Variants in RBM46 observed in about 807,000 individuals in gnomAD.
RBM46 encodes RNA binding motif protein 46, also known as probable RNA-binding protein 46.
RBM46 carries 12 observed loss-of-function variants against 43.3 expected under a neutral mutation model. That is an observed-to-expected ratio of 0.28 (90% CI 0.18 to 0.45). The LOEUF is 0.45. Among genes scored for constraint, RBM46 ranks in the 20% least tolerant of loss-of-function variants. The pLI, the probability that RBM46 is intolerant of heterozygous loss-of-function variation, is 1.00. For synonymous variants in RBM46, 205 were observed against 207.6 expected (o/e 0.99, Z 0.11); for missense variants, 412 against 639.1 (o/e 0.64, Z 3.83).
intron 2 of RBM46, 68 bp from the exon 3 acceptor site, chr4:154,797,743 T>C: frequency 9.2e-7 from 1 of 1,089,580 alleles, no homozygotes; most frequent in Non-Finnish European, 1.3e-6. Context: ...GTTGAATGAA[T>C]ATATGATTGA....
At chr4:154,827,310 C>G in intron 4 of RBM46, 1 of 945,388 alleles carries the variant, frequency 1.1e-6, no homozygotes, top group Non-Finnish European at 1.3e-6. Context: ...TTTTATCATA[C>G]CAGTAGGACT....
chr4:154,788,304 GT>G (rs1266832306), intron 1 of RBM46, among the ~76,000 whole-genome samples: 3 of 152,120 alleles, frequency 2.0e-5, no homozygotes, highest in African/African-American at 7.2e-5. Flanking sequence ...TTCTTCTAGG[GT>G]TTTTATGGTT....
chr4:154,823,637 T>G (rs1377266673), intron 4 of RBM46, among the ~76,000 whole-genome samples: 1 of 151,896 alleles, frequency 6.6e-6, no homozygotes, highest in Non-Finnish European at 1.5e-5. Context: ...TAAGACGAAT[T>G]AGAAACAAAA....
chr4:154,819,433 A>G (rs73855237), intron 4 of RBM46, among the ~76,000 whole-genome samples: 6,728 of 152,238 alleles, frequency 0.044, 475 homozygotes, highest in African/African-American at 0.15. Flanking sequence ...TCCAGAGGAA[A>G]TGCACCTCCC....
intron 4 of RBM46, chr4:154,827,016 AT>A: frequency 8.1e-7 from 1 of 1,241,826 alleles, no homozygotes; most frequent in Non-Finnish European, 1.0e-6. Context: ...CCCTTGGCTT[AT>A]TTTACACTAA....
intron 4 of RBM46, among the ~76,000 whole-genome samples, chr4:154,817,635 T>A (rs156575): frequency 6.6e-6 from 1 of 151,898 alleles, no homozygotes; most frequent in African/African-American, 2.4e-5. Context: ...CCTGGCCTTG[T>A]GTTCCATACA....
At chr4:154,811,659 GTGTGTGTGTC>G (rs888984778) in intron 4 of RBM46, among the ~76,000 whole-genome samples, 29 of 135,962 alleles carry the variant, frequency 2.1e-4, no homozygotes, top group East Asian at 2.1e-3. Context: ...ATATGTGTGT[GTGTGTGTGTC>G]TGTGTGTGTG....
chr4:154,809,687 G>A (rs1735085637), intron 4 of RBM46, among the ~76,000 whole-genome samples: 1 of 152,036 alleles, frequency 6.6e-6, no homozygotes, highest in African/African-American at 2.4e-5. Flanking sequence ...AGATGACATT[G>A]TTTCATACTG....
rs997374555 is a variant in RBM46 at position 154,799,104 on chromosome 4, T to C, written c.942T>C (p.Thr314=). 6.2e-7 allele frequency: 1 copy of C among 1,613,908 alleles called. No individual in the cohort carries two copies. The highest frequency in any genetic ancestry group is 8.5e-7 in the Non-Finnish European group (1 of 1,179,984). ...CTAAACCAGTAAATAAAGAAAACAC[T>C]TGGAGACAGCATCTTAATGGTCAGA... ...TLAKPVNKEN[T]WRQHLNGQIS... is the part of the protein sequence containing the mutation. Residue 314 remains threonine (T), a synonymous_variant, in exon 4 of 5, where the codon ACT becomes ACC. Transcript: ENST00000281722.
chr4:154,828,336 C>T lies in RBM46; in HGVS notation c.*269C>T, dbSNP rs1206907249. 2.7e-5 allele frequency: 9 copies of T among 336,704 alleles called. No homozygotes were observed. The highest frequency in any genetic ancestry group is 1.4e-4 in the South Asian group (3 of 20,944). 20.9% of individuals were successfully genotyped at this position (336,704 alleles called of 1,614,324 possible). On this transcript the variant is annotated 3_prime_UTR_variant, in exon 5 of 5. Coordinates refer to ENST00000281722, the MANE Select transcript of RBM46 (RefSeq NM_144979.5). ...TTTAAACTTCTAGGATTTTCTTCTA[C>T]TTTCTGAGTGGGCAATAGAACCTAG...
intron 4 of RBM46, among the ~76,000 whole-genome samples, chr4:154,811,928 G>C (rs1374142935): frequency 6.6e-6 from 1 of 151,810 alleles, no homozygotes; most frequent in Non-Finnish European, 1.5e-5. Context: ...TGATCTGCCT[G>C]CCTCTTCCTC....
Position 154,781,351 on chromosome 4 carries a change from C to G in RBM46, c.-97C>G, listed in dbSNP as rs940826002. 3 of 152,368 alleles carry G rather than the reference C, an allele frequency of 2.0e-5. No individual in the cohort carries two copies. Among genetic ancestry groups the G allele is most frequent in the African/African-American group, 7.2e-5 (3 of 41,474 alleles). The allele number at this position is 152,368 out of a possible 1,614,324, so 9.4% of individuals were successfully genotyped here. On this transcript the variant is annotated 5_prime_UTR_variant, in exon 1 of 5. Transcript: ENST00000281722. Reference sequence around the variant, plus strand: ...CCCCCTGCGACGACCCCCCCTCGCTCTGACCGACTGGTCCCCTAAACGGTG... The same window carrying G: ...CCCCCTGCGACGACCCCCCCTCGCTGTGACCGACTGGTCCCCTAAACGGTG...
At chr4:154,794,602 A>G (rs1734259713) in intron 1 of RBM46, among the ~76,000 whole-genome samples, 1 of 152,182 alleles carries the variant, frequency 6.6e-6, no homozygotes, top group African/African-American at 2.4e-5. Context: ...AATAAAAGCT[A>G]AAGTTTATAA....
chr4:154,796,642 AGCCACAACT>A (rs1390929018), intron 1 of RBM46, 91 bp from the exon 2 acceptor site: 11 of 778,496 alleles, frequency 1.4e-5, no homozygotes, highest in Non-Finnish European at 2.2e-5. Context: ...CAAACATGCC[AGCCACAACT>A]GTCTTTGTTT....
At chr4:154,816,114 T>G (rs1028263950) in intron 4 of RBM46, among the ~76,000 whole-genome samples, 24 of 152,142 alleles carry the variant, frequency 1.6e-4, no homozygotes, top group African/African-American at 5.8e-4. Context: ...ATCTGTTTGT[T>G]TTTGCACCAA....
chr4:154,826,163 G>T (rs943015148), intron 4 of RBM46, among the ~76,000 whole-genome samples: 1 of 133,386 alleles, frequency 7.5e-6, no homozygotes, highest in East Asian at 2.1e-4. Flanking sequence ...AAAAAAAAAA[G>T]AAAAAAAAAA....
chr4:154,799,669 T>C, intron 4 of RBM46, 105 bp downstream of exon 4: 1 of 717,992 alleles, frequency 1.4e-6, no homozygotes. Context: ...GGTAAGTATG[T>C]AACATAAATT....
At chr4:154,814,805 T>TTA (rs1375298320) in intron 4 of RBM46, among the ~76,000 whole-genome samples, 2 of 151,988 alleles carry the variant, frequency 1.3e-5, no homozygotes, top group South Asian at 2.1e-4. Context: ...AACTTCTCCT[T>TTA]TATATATATC....
At chr4:154,804,651 T>C (rs1734816529) in intron 4 of RBM46, among the ~76,000 whole-genome samples, 1 of 152,186 alleles carries the variant, frequency 6.6e-6, no homozygotes. Flanking sequence ...AGGGCATCTC[T>C]TCTGTGTTTG....
Sources: allele counts gnomAD v4.1 joint callset (sites outside exome capture counted in the v4.1 genomes callset), GRCh38; gene constraint gnomAD v4.1.1; transcripts MANE v1.5; gene names NCBI Gene and HGNC (gene_info 2026-07-23, HGNC 2026-07-21).